Variants in RLF observed in about 807,000 individuals in gnomAD.
RLF encodes zinc finger protein Rlf.
A neutral mutation model predicts 162.9 loss-of-function variants in RLF; 7 were observed. The observed-to-expected ratio is 0.04, with a 90% CI of 0.02 to 0.08. The LOEUF (loss-of-function observed/expected upper bound fraction) is 0.08. Among genes scored for constraint, RLF ranks in the 10% least tolerant of loss-of-function variants. The pLI, the probability that RLF is intolerant of heterozygous loss-of-function variation, is 1.00. For missense variants in RLF, 1,664 were observed against 2,244.7 expected (o/e 0.74, Z 5.23); for synonymous variants, 782 against 791.5 (o/e 0.99, Z 0.20).
chr1:40,164,095 A>G (rs1302215169), intron 1 of RLF, among the ~76,000 whole-genome samples: 1 of 152,234 alleles, frequency 6.6e-6, no homozygotes. Context: ...TAGTTAAGAC[A>G]GTTTTCTCGG....
chr1:40,186,499 C>T (rs1029198155), intron 1 of RLF, among the ~76,000 whole-genome samples: 54 of 152,244 alleles, frequency 3.5e-4, no homozygotes, highest in African/African-American at 1.3e-3. Context: ...TTACAGAAGT[C>T]CTGGTGGAAT....
In RLF at chr1:40,166,235, A is replaced by G. The variant is rs548678514; in HGVS notation, c.237+4599A>G. Among the ~76,000 whole-genome samples, 10 of 152,104 alleles carry G rather than the reference A, an allele frequency of 6.6e-5. No individual in the cohort carries two copies. The South Asian group carries it at 1.2e-3, about 19-fold the overall frequency. On this transcript the variant is annotated intron_variant, in intron 1 of 7. Coordinates refer to ENST00000372771, the MANE Select transcript of RLF (RefSeq NM_012421.4). ...CACACAAAACTAATTTGTTAAATCA[A>G]TTGTAGGGACTTCATGATACACACA...
chr1:40,198,920 A>T (rs1310355144), intron 4 of RLF, among the ~76,000 whole-genome samples: 1 of 152,256 alleles, frequency 6.6e-6, no homozygotes, highest in African/African-American at 2.4e-5. Context: ...GATATCTTCA[A>T]ATGATTTGTA....
At chr1:40,235,150 C>T (rs957036141) in intron 7 of RLF, among the ~76,000 whole-genome samples, 1 of 149,978 alleles carries the variant, frequency 6.7e-6, no homozygotes, top group African/African-American at 2.5e-5. Flanking sequence ...GCAACCTCCA[C>T]CTCCTGGGTT....
chr1:40,231,310 CAA>C (rs1643148827), intron 6 of RLF, among the ~76,000 whole-genome samples: 1 of 152,058 alleles, frequency 6.6e-6, no homozygotes, highest in South Asian at 2.1e-4. Flanking sequence ...CCCCTAAACA[CAA>C]GAGAGAAGTC....
At position 40,203,188 on chromosome 1, in the gene RLF, C is replaced by T. The variant is rs1016267455; in HGVS notation, c.810+574C>T. On this transcript the variant is annotated intron_variant, in intron 5 of 7. Transcript: ENST00000372771. ...GGAGTGCAGTGGTGCAATTTCGGCTCACTGCAGCCTCTGCCTCCCGGGTTC... is the reference window on the plus strand; with the variant it reads ...GGAGTGCAGTGGTGCAATTTCGGCTTACTGCAGCCTCTGCCTCCCGGGTTC... Among the ~76,000 whole-genome samples the T allele has an allele frequency of 3.3e-4, 49 of 146,526 alleles. 1 individual carries two copies. Among genetic ancestry groups the T allele is most frequent in the African/African-American group, 1.2e-3 (46 of 39,062 alleles).
intron 1 of RLF, among the ~76,000 whole-genome samples, chr1:40,182,753 G>GTAGGTAGGTAGATAGATAGATAGA (rs144667492): frequency 4.0e-5 from 6 of 148,762 alleles, no homozygotes; most frequent in African/African-American, 1.5e-4. Flanking sequence ...AGATAGATAG[G>GTAGGTAGGTAGATAGATAGATAGA]TAGATAGATA....
intron 4 of RLF, among the ~76,000 whole-genome samples, chr1:40,199,116 A>G (rs1642676418): frequency 6.6e-6 from 1 of 152,240 alleles, no homozygotes; most frequent in African/African-American, 2.4e-5. Flanking sequence ...GAGAGATTAC[A>G]CATACCCAAG....
chr1:40,162,457 C>G (rs1642102272), intron 1 of RLF, among the ~76,000 whole-genome samples: 1 of 152,120 alleles, frequency 6.6e-6, no homozygotes, highest in African/African-American at 2.4e-5. Context: ...CAAATATTGG[C>G]CATTATTATT....
intron 6 of RLF, among the ~76,000 whole-genome samples, chr1:40,226,594 A>G (rs918168272): frequency 2.6e-5 from 4 of 152,238 alleles, no homozygotes; most frequent in Non-Finnish European, 5.9e-5. Flanking sequence ...GTAACTGGCG[A>G]AGACTAGCAT....
Position 40,237,586 on chromosome 1 carries a change from G to A in RLF, c.2884G>A (p.Gly962Ser). ...TKFTCGFDGC[G>S]STYKNARGMQ... ...GTTTACCTGTGGTTTTGATGGCTGT[G>A]GTTCCACATACAAAAATGCAAGAGG... Residue 962 changes from glycine to serine, a missense_variant, in exon 8 of 8, where the codon GGT becomes AGT. Gly to Ser is a moderately conservative substitution (Grantham distance 56, BLOSUM62 0). This residue lies in a region of RLF where 295 missense variants were observed against 317.4 expected (regional missense o/e 0.93). Transcript: ENST00000372771. This position sits in a 1 kb window ranked among gnomAD's most constrained non-coding sequence, Gnocchi z 4.4. 6.2e-7 allele frequency: 1 copy of A among 1,614,098 alleles called. No homozygotes were observed. The highest frequency in any genetic ancestry group is 1.1e-5 in the South Asian group (1 of 91,080).
intron 5 of RLF, among the ~76,000 whole-genome samples, chr1:40,207,246 AT>A (rs1460938859): frequency 2.0e-5 from 3 of 152,182 alleles, no homozygotes; most frequent in African/African-American, 7.2e-5. Flanking sequence ...TCATCCCTTG[AT>A]CTTTTGTTAC....
intron 2 of RLF, among the ~76,000 whole-genome samples, chr1:40,189,999 A>AT (rs1357600406): frequency 2.6e-5 from 4 of 151,708 alleles, no homozygotes; most frequent in Non-Finnish European, 4.4e-5. Flanking sequence ...GGTTTATTTT[A>AT]TTTTTTTTCT....
At chr1:40,207,148 G>A (rs1642807894) in intron 5 of RLF, among the ~76,000 whole-genome samples, 1 of 152,162 alleles carries the variant, frequency 6.6e-6, no homozygotes, top group Non-Finnish European at 1.5e-5. Flanking sequence ...AACATAGGTT[G>A]TTTACTGGTA....
At chr1:40,203,183 C>T (rs552778510) in intron 5 of RLF, among the ~76,000 whole-genome samples, 12 of 136,422 alleles carry the variant, frequency 8.8e-5, no homozygotes, top group African/African-American at 2.8e-4. Flanking sequence ...GGTGCAATTT[C>T]GGCTCACTGC....
chr1:40,222,554 AG>A lies in RLF; in HGVS notation c.811-19del. ...AAAGTCACCATTTTCTTTTTGACTTAGTCATCTCATTTTTGATAGATTGCAA... is the reference window on the plus strand; with the variant it reads ...AAAGTCACCATTTTCTTTTTGACTTATCATCTCATTTTTGATAGATTGCAA... On this transcript the variant is annotated intron_variant, in intron 5 of 7. Transcript: ENST00000372771. 1.2e-6 allele frequency: 2 copies of A among 1,607,524 alleles called. No individual in the cohort carries two copies. The highest frequency in any genetic ancestry group is 1.7e-6 in the Non-Finnish European group (2 of 1,176,992).
chr1:40,180,611 CATT>C (rs1317987462), intron 1 of RLF, among the ~76,000 whole-genome samples: 2 of 152,120 alleles, frequency 1.3e-5, no homozygotes, highest in Admixed American at 1.3e-4. Context: ...AGTCGTATCT[CATT>C]GTGGTTTTCA....
chr1:40,214,918 C>CAAAAAA (rs34756935), intron 5 of RLF, among the ~76,000 whole-genome samples: 5 of 14,396 alleles, frequency 3.5e-4, no homozygotes, highest in South Asian at 3.4e-3. Flanking sequence ...GAGCCTGTCT[C>CAAAAAA]AAAAAAAAAA....
At chr1:40,233,115 A>C (rs1002369360) in intron 7 of RLF, among the ~76,000 whole-genome samples, 1 of 151,890 alleles carries the variant, frequency 6.6e-6, no homozygotes, top group Admixed American at 6.6e-5. Context: ...AAAAAAGCAA[A>C]GATTGAATGA....
Sources: allele counts gnomAD v4.1 joint callset (sites outside exome capture counted in the v4.1 genomes callset), GRCh38; gene constraint gnomAD v4.1.1; regional missense constraint gnomAD v4.1.1; non-coding constraint Gnocchi (gnomAD v3.1); transcripts MANE v1.5; gene names NCBI Gene and HGNC (gene_info 2026-07-23, HGNC 2026-07-21).